PARD3: variants seen among roughly 807,000 people sequenced by gnomAD.
PARD3 encodes partitioning defective 3 homolog.
PARD3 carries 75 observed loss-of-function variants against 155.4 expected under a neutral mutation model. The ratio of observed to expected loss-of-function variants is 0.48; its 90% CI spans 0.40 to 0.58. PARD3 has a LOEUF of 0.58. Ranked by LOEUF, PARD3 falls within the 20% of genes least tolerant of loss-of-function variation. The probability of loss-of-function intolerance (pLI) is 0.00; values close to 1 mark genes in which losing one functional copy is unlikely to be tolerated. For synonymous variants in PARD3, 576 were observed against 610.5 expected (o/e 0.94, Z 0.83); for missense variants, 1,642 against 1,721.7 (o/e 0.95, Z 0.82).
chr10:34,382,493 C>T, intron 9 of PARD3, 47 bp downstream of exon 9: 1 of 1,574,466 alleles, frequency 6.4e-7, no homozygotes, highest in Non-Finnish European at 8.6e-7. Context: ...TTGTGTGTTG[C>T]TGCTAAGAAA....
Position 34,746,631 on chromosome 10 carries a change from T to C in PARD3, c.121-50212A>G, listed in dbSNP as rs369502082. Among the ~76,000 whole-genome samples, 47 of 152,218 alleles carry C rather than the reference T, an allele frequency of 3.1e-4. 1 individual carries two copies. The highest frequency in any genetic ancestry group is 1.1e-3 in the African/African-American group (44 of 41,528). On this transcript the variant is annotated intron_variant, in intron 1 of 24. Coordinates refer to ENST00000374788, the MANE Select transcript of PARD3 (RefSeq NM_001184785.2). ...TCACAAGCATCTGTAATGAAAATTG[T>C]CAACTTCACTGATTTCACTACTTTT...
intron 4 of PARD3, among the ~76,000 whole-genome samples, chr10:34,451,204 G>C (rs2077036542): frequency 6.6e-6 from 1 of 152,154 alleles, no homozygotes; most frequent in African/African-American, 2.4e-5. Context: ...TGGCTTATGA[G>C]CTGTAAAACC....
chr10:34,122,389 A>G (rs555381130), intron 23 of PARD3, among the ~76,000 whole-genome samples: 1 of 152,320 alleles, frequency 6.6e-6, no homozygotes, highest in Non-Finnish European at 1.5e-5. Flanking sequence ...GTTTTCTGAC[A>G]CTGTTCGCCT....
At chr10:34,809,195 AG>A (rs932073640) in intron 1 of PARD3, among the ~76,000 whole-genome samples, 5 of 152,338 alleles carry the variant, frequency 3.3e-5, no homozygotes, top group Middle Eastern at 6.8e-3. Context: ...TGCTGATGAT[AG>A]TCCTCTCAGC....
At chr10:34,426,359 A>C (rs979639077) in intron 5 of PARD3, among the ~76,000 whole-genome samples, 1 of 152,222 alleles carries the variant, frequency 6.6e-6, no homozygotes, top group African/African-American at 2.4e-5. Context: ...AATGTTAAAC[A>C]ACTGAAAACA....
intron 15 of PARD3, chr10:34,343,512 T>C (rs546468386): frequency 1.0e-6 from 1 of 985,324 alleles, no homozygotes; most frequent in South Asian, 4.7e-5. Flanking sequence ...AGCATTTTTT[T>C]CTCACCCATG....
chr10:34,745,879 T>A (rs927560132), intron 1 of PARD3, among the ~76,000 whole-genome samples: 2 of 152,096 alleles, frequency 1.3e-5, no homozygotes, highest in African/African-American at 4.8e-5. Context: ...GGCACGCAGA[T>A]CACGAGGTCA....
intron 2 of PARD3, chr10:34,664,104 C>T (rs1409837000): frequency 6.6e-6 from 1 of 152,240 alleles, no homozygotes; most frequent in Non-Finnish European, 1.5e-5. Context: ...TTCCTCATCT[C>T]GCTTCTGCCG....
intron 2 of PARD3, among the ~76,000 whole-genome samples, chr10:34,580,362 A>T (rs891167704): frequency 2.6e-5 from 4 of 152,088 alleles, no homozygotes; most frequent in African/African-American, 4.8e-5. Context: ...TCTAGAAAAA[A>T]AAAATAAAAA....
chr10:34,637,926 C>T (rs189257875), intron 2 of PARD3, among the ~76,000 whole-genome samples: 1 of 152,268 alleles, frequency 6.6e-6, no homozygotes, highest in Admixed American at 6.5e-5. Context: ...GTACTTAAAA[C>T]TTTTACATAG....
intron 22 of PARD3, among the ~76,000 whole-genome samples, chr10:34,254,377 T>TCAAAAA (rs142761750): frequency 0.077 from 11,046 of 142,982 alleles, 488 homozygotes; most frequent in Non-Finnish European, 0.099. Flanking sequence ...AGACTCTGTC[T>TCAAAAA]CAAAAACAAA....
chr10:34,583,829 T>C (rs1198511614), intron 2 of PARD3, among the ~76,000 whole-genome samples: 1 of 152,186 alleles, frequency 6.6e-6, no homozygotes, highest in Non-Finnish European at 1.5e-5. Context: ...CTTTACAATT[T>C]TCTATCAGTT....
At chr10:34,349,889 A>G (rs914427202) in intron 14 of PARD3, among the ~76,000 whole-genome samples, 15 of 152,220 alleles carry the variant, frequency 9.9e-5, no homozygotes, top group African/African-American at 3.1e-4. Context: ...GCTATTTTAA[A>G]ATTTTATAAA....
chr10:34,692,420 T>TA (rs2133441265), intron 2 of PARD3, among the ~76,000 whole-genome samples: 1 of 152,146 alleles, frequency 6.6e-6, no homozygotes, highest in African/African-American at 2.4e-5. Flanking sequence ...CTAATTAAAC[T>TA]AAAAACCTTC....
At chr10:34,258,268 C>T (rs1413989563) in intron 22 of PARD3, among the ~76,000 whole-genome samples, 1 of 152,090 alleles carries the variant, frequency 6.6e-6, no homozygotes, top group Non-Finnish European at 1.5e-5. Context: ...TTGTGGAGAA[C>T]AAGACTGGAG....
intron 21 of PARD3, among the ~76,000 whole-genome samples, chr10:34,276,826 T>G (rs966757776): frequency 3.3e-5 from 5 of 152,206 alleles, no homozygotes; most frequent in African/African-American, 1.2e-4. Context: ...GCTATGATGC[T>G]GCAACACATC....
intron 2 of PARD3, among the ~76,000 whole-genome samples, chr10:34,642,704 C>A (rs1396134901): frequency 3.3e-5 from 5 of 152,080 alleles, no homozygotes; most frequent in Non-Finnish European, 7.4e-5. Flanking sequence ...TCCCCATGAC[C>A]CCCACGAGAG....
intron 14 of PARD3, among the ~76,000 whole-genome samples, chr10:34,354,624 A>G (rs1044056764): frequency 6.6e-6 from 1 of 152,166 alleles, no homozygotes; most frequent in African/African-American, 2.4e-5. Flanking sequence ...AAAATGGAAA[A>G]TGAAAGACTG....
intron 3 of PARD3, among the ~76,000 whole-genome samples, chr10:34,515,018 A>G (rs1245959619): frequency 6.6e-6 from 1 of 152,230 alleles, no homozygotes; most frequent in African/African-American, 2.4e-5. Context: ...TAAAGACACT[A>G]TTTTCCAAAC....
Sources: gnomAD v4.1 joint callset for allele counts (sites outside exome capture counted in the v4.1 genomes callset) on GRCh38, gnomAD v4.1.1 for gene constraint, MANE v1.5 for transcripts, NCBI Gene and HGNC (gene_info 2026-07-23, HGNC 2026-07-21) for gene names.